GAN: variants seen among roughly 807,000 people sequenced by gnomAD.
GAN encodes epididymis secretory sperm binding protein.
A neutral mutation model predicts 71.3 loss-of-function variants in GAN; 48 were observed. That is an observed-to-expected ratio of 0.67 (90% CI 0.53 to 0.86). The LOEUF (loss-of-function observed/expected upper bound fraction) is 0.86. Among genes scored for constraint, GAN ranks in the 40% least tolerant of loss-of-function variants. GAN has a pLI of 0.00. For missense variants in GAN, 928 were observed against 770.1 expected, an observed-to-expected ratio of 1.21 and a Z score of -2.43; for synonymous variants, 386 against 276.8, an observed-to-expected ratio of 1.39 and a Z score of -3.92.
Position 81,377,240 on chromosome 16 carries a change from G to A in GAN, c.1524G>A (p.Gln508=). Residue 508 remains glutamine (Q), a synonymous_variant, in exon 10 of 11, where the codon CAG becomes CAA. Transcript: ENST00000648994. ...TCAGGTGGATCTATCTTAACGACCAGAATTTATGCATCCCCGCCAGTTCCT... is the reference window on the plus strand; with the variant it reads ...TCAGGTGGATCTATCTTAACGACCAAAATTTATGCATCCCCGCCAGTTCCT... ...EFKRWIYLND[Q]NLCIPASSSF... 1 of 1,609,564 alleles carries A rather than the reference G, an allele frequency of 6.2e-7. No homozygotes were observed. Among genetic ancestry groups the A allele is most frequent in the South Asian group, 1.1e-5 (1 of 90,986 alleles).
rs140412687 is a variant in GAN at position 81,376,878 on chromosome 16, G to C, written c.1503-341G>C. On this transcript the variant is annotated intron_variant, in intron 9 of 10. Transcript: ENST00000648994. Reference sequence around the variant, plus strand: ...CCTGTCTGAAAAACCAACAAATTCTGGTACATCCGTATGATGGAGTACTGC... The same window carrying C: ...CCTGTCTGAAAAACCAACAAATTCTCGTACATCCGTATGATGGAGTACTGC... 5.3e-5 allele frequency among the ~76,000 whole-genome samples: 8 copies of C among 152,036 alleles called. No individual in the cohort carries two copies. In the East Asian group the frequency reaches 1.4e-3, roughly 26 times the overall value.
intron 9 of GAN, among the ~76,000 whole-genome samples, chr16:81,369,718 A>C (rs1910974958): frequency 6.6e-6 from 1 of 152,126 alleles, no homozygotes; most frequent in South Asian, 2.1e-4. Flanking sequence ...CAGCCTCCTG[A>C]GTAGCTGGGA....
chr16:81,377,096 G>A, intron 9 of GAN, 123 bp from the exon 10 acceptor site: 1 of 776,300 alleles, frequency 1.3e-6, no homozygotes, highest in Middle Eastern at 2.6e-4. Context: ...GTGGAACGTG[G>A]GGTCGAGATT....
chr16:81,357,016 G>T lies in GAN; in HGVS notation c.851+14G>T. 3 of 1,511,382 alleles carry T rather than the reference G, an allele frequency of 2.0e-6. No individual in the cohort carries two copies. Among genetic ancestry groups the T allele is most frequent in the Non-Finnish European group, 2.8e-6 (3 of 1,087,734 alleles). The allele number at this position is 1,511,382 out of a possible 1,614,324, so 93.6% of individuals were successfully genotyped here. ...AGAAGAGAGAGTGTAAGTATGAGGT[G>T]GGACTTGTTTGAAAAGTGGTGTATG... On this transcript the variant is annotated intron_variant, in intron 4 of 10. Transcript: ENST00000648994.
intron 1 of GAN, among the ~76,000 whole-genome samples, chr16:81,320,753 T>A (rs1000999361): frequency 5.9e-5 from 9 of 152,290 alleles, no homozygotes; most frequent in South Asian, 4.1e-4. Context: ...CCTTGTACTC[T>A]TATGGTGATG....
At chr16:81,315,403 C>G in intron 1 of GAN, 123 bp downstream of exon 1, 1 of 616,674 alleles carries the variant, frequency 1.6e-6, no homozygotes, top group Non-Finnish European at 2.3e-6. Flanking sequence ...CCCCGCGTCA[C>G]CGTTGGCGCG....
At position 81,345,103 on chromosome 16, in the gene GAN, C is replaced by T. The variant is rs182594243; in HGVS notation, c.168-6480C>T. 3.2e-3 allele frequency among the ~76,000 whole-genome samples: 482 copies of T among 152,118 alleles called. 2 individuals are homozygous for T. Among genetic ancestry groups the T allele is most frequent in the African/African-American group, 0.011 (454 of 41,474 alleles). Reference sequence around the variant, plus strand: ...GATCATTAAAAAGTCAGGAAAAAACCGATGCTGGACAAGTTGTGGAAAAAT... The same window carrying T: ...GATCATTAAAAAGTCAGGAAAAAACTGATGCTGGACAAGTTGTGGAAAAAT... On this transcript the variant is annotated intron_variant, in intron 1 of 10. Coordinates refer to ENST00000648994, the MANE Select transcript of GAN (RefSeq NM_022041.4).
intron 1 of GAN, among the ~76,000 whole-genome samples, chr16:81,347,439 A>T (rs534269124): frequency 4.6e-4 from 70 of 152,332 alleles, no homozygotes; most frequent in African/African-American, 1.5e-3. Context: ...TTCCAGGATC[A>T]TTCTTCACCA....
At chr16:81,324,596 G>C (rs1909321684) in intron 1 of GAN, among the ~76,000 whole-genome samples, 1 of 152,066 alleles carries the variant, frequency 6.6e-6, no homozygotes, top group South Asian at 2.1e-4. Flanking sequence ...TGTGATCCCT[G>C]AGTTAGAGCT....
intron 1 of GAN, among the ~76,000 whole-genome samples, chr16:81,337,487 C>T (rs190926231): frequency 4.7e-4 from 71 of 152,322 alleles, no homozygotes; most frequent in African/African-American, 1.6e-3. Flanking sequence ...CATTCAGTCA[C>T]GTCTAAAATG....
chr16:81,363,677 C>T, intron 6 of GAN, 117 bp from the exon 7 acceptor site: 4 of 974,488 alleles, frequency 4.1e-6, no homozygotes, highest in Non-Finnish European at 4.9e-6. Flanking sequence ...CTCTAGGAGT[C>T]CCCATTGTCT....
At chr16:81,372,332 A>T (rs1415638332) in intron 9 of GAN, among the ~76,000 whole-genome samples, 1 of 152,046 alleles carries the variant, frequency 6.6e-6, no homozygotes, top group Non-Finnish European at 1.5e-5. Flanking sequence ...AATACTTTAC[A>T]TTGATATTCA....
At chr16:81,348,115 T>C (rs978321443) in intron 1 of GAN, among the ~76,000 whole-genome samples, 1 of 152,198 alleles carries the variant, frequency 6.6e-6, no homozygotes, top group Non-Finnish European at 1.5e-5. Flanking sequence ...GCTGGGGTTA[T>C]AGGCATGAGC....
intron 9 of GAN, chr16:81,372,001 C>T (rs888044811): frequency 3.3e-5 from 5 of 152,224 alleles, no homozygotes; most frequent in African/African-American, 1.2e-4. Context: ...CGCCTCACTA[C>T]AGCTCTCTTT....
At chr16:81,319,178 C>G (rs977336580) in intron 1 of GAN, among the ~76,000 whole-genome samples, 10 of 136,540 alleles carry the variant, frequency 7.3e-5, no homozygotes, top group African/African-American at 2.8e-4. Context: ...GACCCTGTCT[C>G]TTAAATTAAA....
chr16:81,364,008 C>T, intron 7 of GAN, 65 bp downstream of exon 7: 2 of 1,179,022 alleles, frequency 1.7e-6, no homozygotes, highest in Non-Finnish European at 1.3e-6. Context: ...AATGTGTCTT[C>T]ATATCCTGAA....
At chr16:81,359,053 C>G (rs985120220) in intron 5 of GAN, among the ~76,000 whole-genome samples, 1 of 152,152 alleles carries the variant, frequency 6.6e-6, no homozygotes, top group Non-Finnish European at 1.5e-5. Context: ...ATGGCCAAGG[C>G]TCTACCATAG....
In GAN at chr16:81,377,528, G is replaced by A. The variant is rs572677523; in HGVS notation, c.1726G>A (p.Ala576Thr). 8 of 1,614,192 alleles carry A rather than the reference G, an allele frequency of 5.0e-6. No individual in the cohort carries two copies. The South Asian group carries it at 6.6e-5, about 13-fold the overall frequency. ...TACAGGATGTGCAGCCTTACGCATTGCGAATTGCAAGCTTTTCCGCCTGCA... is the reference window on the plus strand; with the variant it reads ...TACAGGATGTGCAGCCTTACGCATTACGAATTGCAAGCTTTTCCGCCTGCA... ...RRTGCAALRI[A>T]NCKLFRLQLQ... Residue 576 changes from alanine (A) to threonine (T), a missense_variant, in exon 11 of 11, where the codon GCG becomes ACG. Physicochemically the swap from Ala to Thr is moderately conservative, Grantham distance 58. Coordinates refer to ENST00000648994, the MANE Select transcript of GAN (RefSeq NM_022041.4).
Position 81,356,780 on chromosome 16 carries a change from T to G in GAN, c.634-5T>G. On this transcript the variant is annotated splice_polypyrimidine_tract_variant and splice_region_variant and intron_variant, in intron 3 of 10. Coordinates refer to ENST00000648994, the MANE Select transcript of GAN (RefSeq NM_022041.4). ...TTCGCCCCATCTTTCTTCCCTCTTC[T>G]GCAGGTCCACATGAAGGATGTTATG... is the stretch of plus-strand genomic sequence containing the variant. 2 of 1,596,580 alleles carry G rather than the reference T, an allele frequency of 1.3e-6. No individual in the cohort carries two copies. The highest frequency in any genetic ancestry group is 1.7e-6 in the Non-Finnish European group (2 of 1,163,926).
Sources: allele counts gnomAD v4.1 joint callset (sites outside exome capture counted in the v4.1 genomes callset), GRCh38; gene constraint gnomAD v4.1.1; transcripts MANE v1.5; gene names NCBI Gene and HGNC (gene_info 2026-07-23, HGNC 2026-07-21).